The following CADM2 variants were observed in gnomAD, a reference collection of about 807,000 sequenced individuals.
CADM2 encodes cell adhesion molecule 2.
In CADM2, 12 loss-of-function variants were observed where a neutral mutation model predicts 49.8. The observed-to-expected ratio is 0.24, with a 90% CI of 0.15 to 0.39. The LOEUF (loss-of-function observed/expected upper bound fraction) is 0.39, where lower values mean the gene tolerates loss of function less well. CADM2 is among the 10% of genes least tolerant of loss of function. The pLI, the probability that CADM2 is intolerant of heterozygous loss-of-function variation, is 1.00. For synonymous variants in CADM2, 214 were observed against 175.4 expected (o/e 1.22, Z -1.74); for missense variants, 378 against 492.3 (o/e 0.77, Z 2.20).
At chr3:85,691,890 C>T (rs983526856) in intron 1 of CADM2, among the ~76,000 whole-genome samples, 1 of 152,056 alleles carries the variant, frequency 6.6e-6, no homozygotes, top group African/African-American at 2.4e-5. Context: ...AAACCAAACA[C>T]CGCATGTTCT....
intron 1 of CADM2, among the ~76,000 whole-genome samples, chr3:85,121,451 G>A (rs958883685): frequency 6.6e-6 from 1 of 152,128 alleles, no homozygotes; most frequent in Non-Finnish European, 1.5e-5. Context: ...TCACTAAGAG[G>A]CAGGAGGAAA....
At chr3:85,956,980 G>C (rs1724144690) in intron 7 of CADM2, among the ~76,000 whole-genome samples, 1 of 151,544 alleles carries the variant, frequency 6.6e-6, no homozygotes, top group African/African-American at 2.4e-5. Context: ...CCTTTGAGTA[G>C]TATTATAAAG....
chr3:85,687,214 C>G (rs960173211), intron 1 of CADM2, among the ~76,000 whole-genome samples: 4 of 152,154 alleles, frequency 2.6e-5, no homozygotes, highest in African/African-American at 7.2e-5. Context: ...TAGTTTAACA[C>G]AATTTTAACA....
chr3:85,325,062 A>G (rs533030173), intron 1 of CADM2, among the ~76,000 whole-genome samples: 16 of 152,368 alleles, frequency 1.1e-4, no homozygotes, highest in Admixed American at 2.0e-4. Context: ...AAAGAAGCAG[A>G]CAGCACAGGC....
At chr3:85,735,285 G>A (rs2068090352) in intron 2 of CADM2, among the ~76,000 whole-genome samples, 1 of 152,056 alleles carries the variant, frequency 6.6e-6, no homozygotes, top group Admixed American at 6.6e-5. Context: ...TTGATGGCGA[G>A]GAAGCAAGCC....
In CADM2 at chr3:85,254,294, TAAA is replaced by T. The variant is rs1328379197; in HGVS notation, c.61+294627_61+294629del. On this transcript the variant is annotated intron_variant, in intron 1 of 9. Coordinates refer to ENST00000383699, the MANE Select transcript of CADM2 (RefSeq NM_001167675.2). ...CCATGCCCTGTCTAGGGCACCACCC[TAAA>T]GGCACCTCCATGGGTTCAGCAATCC... is the stretch of plus-strand genomic sequence containing the variant. 2.0e-5 allele frequency among the ~76,000 whole-genome samples: 3 copies of T among 152,066 alleles called. 1 individual carries two copies. The East Asian group carries it at 5.8e-4, about 29-fold the overall frequency.
chr3:85,148,713 G>A (rs986748485), intron 1 of CADM2, among the ~76,000 whole-genome samples: 9 of 152,028 alleles, frequency 5.9e-5, no homozygotes, highest in Admixed American at 5.9e-4. Context: ...TAAACAGTTG[G>A]TTGTATATGT....
intron 1 of CADM2, among the ~76,000 whole-genome samples, chr3:85,580,474 C>T (rs780279654): frequency 6.6e-6 from 1 of 152,026 alleles, no homozygotes; most frequent in Non-Finnish European, 1.5e-5. Context: ...TAGAACTAAC[C>T]CAACGGTATT....
chr3:84,970,445 T>C (rs924398574), intron 1 of CADM2, among the ~76,000 whole-genome samples: 1 of 142,672 alleles, frequency 7.0e-6, no homozygotes, highest in African/African-American at 2.6e-5. Flanking sequence ...TTCTAAAAAG[T>C]CCCAGTGAAA....
intron 2 of CADM2, among the ~76,000 whole-genome samples, chr3:85,801,201 A>C (rs1229202729): frequency 6.6e-6 from 1 of 152,140 alleles, no homozygotes; most frequent in Admixed American, 6.6e-5. Flanking sequence ...TTAAACTATT[A>C]GAAGTGCACT....
intron 3 of CADM2, among the ~76,000 whole-genome samples, chr3:85,811,855 A>ATTTTTTTTTTTTTTT (rs1434521167): frequency 7.8e-6 from 1 of 128,182 alleles, no homozygotes; most frequent in African/African-American, 3.4e-5. Context: ...AAATGCCTTG[A>ATTTTTTTTTTTTTTT]TGTTTTTTTT....
At chr3:85,578,484 AATAAAT>A (rs2107282257) in intron 1 of CADM2, among the ~76,000 whole-genome samples, 1 of 152,372 alleles carries the variant, frequency 6.6e-6, no homozygotes, top group African/African-American at 2.4e-5. Flanking sequence ...TACTTAAAAA[AATAAAT>A]AGATCAAGAC....
chr3:85,269,985 C>T (rs1208530484), intron 1 of CADM2, among the ~76,000 whole-genome samples: 1 of 151,160 alleles, frequency 6.6e-6, no homozygotes, highest in African/African-American at 2.4e-5. Flanking sequence ...TATCATGAGA[C>T]ACTTAGGTTC....
chr3:85,406,477 C>T (rs185372777), intron 1 of CADM2, among the ~76,000 whole-genome samples: 1 of 152,172 alleles, frequency 6.6e-6, no homozygotes, highest in African/African-American at 2.4e-5. Flanking sequence ...AAACTCAAAA[C>T]CAAATTTAAT....
Position 85,368,385 on chromosome 3 carries a change from C to T in CADM2, c.62-358137C>T, listed in dbSNP as rs142612816. On this transcript the variant is annotated intron_variant, in intron 1 of 9. Coordinates refer to ENST00000383699, the MANE Select transcript of CADM2 (RefSeq NM_001167675.2). ...TTAGAGGGGAGTGGGCTAAGCATTG[C>T]GTGGGCCAATATTATTTCCAGATAT... is the stretch of plus-strand genomic sequence containing the variant. 6.7e-3 allele frequency among the ~76,000 whole-genome samples: 1,015 copies of T among 152,014 alleles called. 3 individuals are homozygous for T. The highest frequency in any genetic ancestry group is 0.034 in the Middle Eastern group (10 of 294).
chr3:85,449,406 G>A (rs2037645925), intron 1 of CADM2, among the ~76,000 whole-genome samples: 1 of 151,764 alleles, frequency 6.6e-6, no homozygotes, highest in Non-Finnish European at 1.5e-5. Flanking sequence ...GTATAAAGAC[G>A]CTTTGCTCCT....
At chr3:84,981,726 G>C (rs1250664553) in intron 1 of CADM2, among the ~76,000 whole-genome samples, 2 of 151,568 alleles carry the variant, frequency 1.3e-5, no homozygotes, top group East Asian at 3.9e-4. Context: ...ACTGCAAAGA[G>C]TCTTTCTCTT....
At chr3:85,018,258 T>A (rs113049551) in intron 1 of CADM2, among the ~76,000 whole-genome samples, 20 of 152,186 alleles carry the variant, frequency 1.3e-4, no homozygotes, top group African/African-American at 4.8e-4. Flanking sequence ...TTGTGCAAAT[T>A]AAATGAAAAC....
chr3:85,896,055 C>A (rs912807953), intron 5 of CADM2, among the ~76,000 whole-genome samples: 1 of 152,174 alleles, frequency 6.6e-6, no homozygotes. Context: ...CTTTGTGGGG[C>A]TGAGGCAGGA....
Sources: allele counts gnomAD v4.1 joint callset (sites outside exome capture counted in the v4.1 genomes callset), GRCh38; gene constraint gnomAD v4.1.1; transcripts MANE v1.5; gene names NCBI Gene and HGNC (gene_info 2026-07-23, HGNC 2026-07-21).